Variants in ZPBP observed in about 807,000 individuals in gnomAD.
ZPBP encodes the protein zona pellucida binding protein.
ZPBP carries 26 observed loss-of-function variants against 44.8 expected under a neutral mutation model. The ratio of observed to expected loss-of-function variants is 0.58; its 90% CI spans 0.43 to 0.81. The LOEUF is 0.81. ZPBP is among the 30% of genes least tolerant of loss of function. The probability of loss-of-function intolerance (pLI) is 0.00; values close to 1 mark genes in which losing one functional copy is unlikely to be tolerated. For missense variants in ZPBP, 409 were observed against 434.0 expected, an observed-to-expected ratio of 0.94 and a Z score of 0.51; for synonymous variants, 174 against 153.2, an observed-to-expected ratio of 1.14 and a Z score of -1.00.
chr7:49,925,690 G>T (rs1002107973), intron 1 of ZPBP, among the ~76,000 whole-genome samples: 1 of 152,178 alleles, frequency 6.6e-6, no homozygotes. Flanking sequence ...CCATCCACAG[G>T]CCTCTGCCTC....
Position 49,937,564 on chromosome 7 carries a change from A to G in ZPBP, c.1020T>C (p.Asn340=), listed in dbSNP as rs746861069. Reference sequence around the variant, plus strand: ...TTTTTGCTCCATACACCAGGCTGCTATTGCATTGAAGGCAATGAATTCCAT... The same window carrying G: ...TTTTTGCTCCATACACCAGGCTGCTGTTGCATTGAAGGCAATGAATTCCAT... The part of the protein sequence containing the change: ...PRDGIHCLQC[N]SSLVYGAKTC... The change falls in exon 8 of 8, where the codon AAT becomes AAC. Residue 340 remains asparagine (N), a synonymous_variant. Transcript: ENST00000046087. The G allele has an allele frequency of 6.2e-7, 1 of 1,613,808 alleles. No homozygotes were observed. The highest frequency in any genetic ancestry group is 1.3e-5 in the African/African-American group (1 of 74,908).
chr7:49,963,990 T>C (rs1795960747), intron 7 of ZPBP, among the ~76,000 whole-genome samples: 1 of 151,824 alleles, frequency 6.6e-6, no homozygotes, highest in Non-Finnish European at 1.5e-5. Flanking sequence ...GATGATAAAG[T>C]GGAGTTTGAT....
intron 4 of ZPBP, among the ~76,000 whole-genome samples, chr7:50,048,170 G>C (rs1222197628): frequency 1.3e-5 from 2 of 151,748 alleles, no homozygotes; most frequent in African/African-American, 4.8e-5. Context: ...AGTTACTAAA[G>C]AAAAAAGGGA....
At chr7:49,844,841 C>T in the ZPBP span, among the ~76,000 whole-genome samples, 17 of 152,008 alleles carry the variant, frequency 1.1e-4, no homozygotes, top group African/African-American at 2.4e-4. Flanking sequence ...TACAGGTGCC[C>T]GCCACTACGT....
At chr7:50,053,482 C>G (rs1355037) in intron 4 of ZPBP, among the ~76,000 whole-genome samples, 116,780 of 152,110 alleles carry the variant, frequency 0.77, 44,959 homozygotes, top group East Asian at 0.87. Context: ...TCTTGTGTAT[C>G]ACTTACAGCC....
chr7:50,025,831 A>G (rs1275418789), intron 5 of ZPBP, among the ~76,000 whole-genome samples: 1 of 151,904 alleles, frequency 6.6e-6, no homozygotes, highest in Admixed American at 6.6e-5. Context: ...CCCACACAAC[A>G]TAGAAAATGT....
chr7:49,984,609 C>T (rs1562823699), intron 6 of ZPBP, among the ~76,000 whole-genome samples: 2 of 152,006 alleles, frequency 1.3e-5, no homozygotes, highest in Admixed American at 6.6e-5. Context: ...GTTTGTGATC[C>T]AATGAGAATC....
At chr7:50,091,935 A>T (rs1425973397) in intron 1 of ZPBP, among the ~76,000 whole-genome samples, 1 of 152,218 alleles carries the variant, frequency 6.6e-6, no homozygotes, top group Admixed American at 6.5e-5. Context: ...AAATCACTTT[A>T]AACTCTAGGA....
chr7:50,016,883 A>G (rs1172392109), intron 6 of ZPBP, among the ~76,000 whole-genome samples: 5 of 152,174 alleles, frequency 3.3e-5, no homozygotes, highest in Non-Finnish European at 7.4e-5. Context: ...GTTAAAAAGA[A>G]GAAAACCTAT....
intron 2 of ZPBP, among the ~76,000 whole-genome samples, chr7:49,889,347 A>ATTGT (rs1792032726): frequency 2.0e-5 from 3 of 152,364 alleles, no homozygotes; most frequent in African/African-American, 7.2e-5. Context: ...TTGAGGTCTA[A>ATTGT]CTATAAAAAT....
At chr7:49,958,361 T>A (rs373865606) in intron 7 of ZPBP, among the ~76,000 whole-genome samples, 4 of 152,304 alleles carry the variant, frequency 2.6e-5, no homozygotes, top group East Asian at 3.9e-4. Flanking sequence ...GTCAAAATGG[T>A]ATGATTTGTA....
At chr7:49,937,321 T>C, downstream of ZPBP, 4 of 509,694 alleles carry the variant, frequency 7.8e-6, no homozygotes, top group South Asian at 9.6e-5. Flanking sequence ...CTAGAAATAT[T>C]TTAGAATCAT....
At chr7:49,925,620 C>T (rs906986305) in intron 1 of ZPBP, among the ~76,000 whole-genome samples, 5 of 152,226 alleles carry the variant, frequency 3.3e-5, no homozygotes, top group Non-Finnish European at 7.3e-5. Flanking sequence ...TACATGTTTT[C>T]TGCTGAGTGT....
chr7:49,886,934 A>AT (rs961452019), intron 2 of ZPBP, among the ~76,000 whole-genome samples: 3 of 149,752 alleles, frequency 2.0e-5, no homozygotes, highest in Non-Finnish European at 4.5e-5. Flanking sequence ...CTTTTTAGTT[A>AT]TTTTTTTTTC....
intron 7 of ZPBP, among the ~76,000 whole-genome samples, chr7:49,977,848 T>C (rs1230033248): frequency 6.6e-6 from 1 of 152,202 alleles, no homozygotes; most frequent in Admixed American, 6.5e-5. Context: ...TCAACATTAA[T>C]ACTCAGATAT....
intron 1 of ZPBP, 120 bp downstream of exon 1, chr7:50,092,945 CGTA>C: frequency 7.3e-7 from 1 of 1,369,132 alleles, no homozygotes; most frequent in South Asian, 1.5e-5. Context: ...TTTCTTGTCA[CGTA>C]TTAGTGAGCA....
At chr7:49,859,063 T>C (rs690750) in intron 2 of ZPBP, among the ~76,000 whole-genome samples, 152,125 of 152,366 alleles carry the variant, frequency 1, 75,942 homozygotes, top group Middle Eastern at 1. Context: ...ACATTTTGTT[T>C]TACATTGTGG....
downstream of ZPBP, among the ~76,000 whole-genome samples, chr7:49,850,101 A>G (rs116409140): frequency 1.3e-3 from 191 of 152,290 alleles, no homozygotes; most frequent in African/African-American, 4.3e-3. Flanking sequence ...AGAAAAACCA[A>G]GCCTAGCACA....
chr7:49,894,686 G>C (rs560278151), intron 2 of ZPBP, among the ~76,000 whole-genome samples: 10 of 152,338 alleles, frequency 6.6e-5, no homozygotes, highest in African/African-American at 2.2e-4. Flanking sequence ...TCAGGGAAAA[G>C]CGTGGGTGGG....
Sources: gnomAD v4.1 joint callset for allele counts (sites outside exome capture counted in the v4.1 genomes callset) on GRCh38, gnomAD v4.1.1 for gene constraint, MANE v1.5 for transcripts, NCBI Gene and HGNC (gene_info 2026-07-23, HGNC 2026-07-21) for gene names.